The following TEKT3 variants were observed in gnomAD, a reference collection of about 807,000 sequenced individuals.
The protein encoded by TEKT3 is tektin 3.
In TEKT3, 49 loss-of-function variants were observed where a neutral mutation model predicts 49.8. The observed-to-expected ratio is 0.98, with a 90% CI of 0.78 to 1.25. TEKT3 has a LOEUF of 1.25. Ranked by LOEUF, TEKT3 falls within the 50% of genes most tolerant of loss-of-function variation. The probability of loss-of-function intolerance (pLI) is 0.00; values close to 1 mark genes in which losing one functional copy is unlikely to be tolerated. For missense variants in TEKT3, 595 were observed against 629.5 expected (o/e 0.95, Z 0.59); for synonymous variants, 225 against 237.2 (o/e 0.95, Z 0.47).
rs146262442 is a variant in TEKT3, at chr17:15,321,286, G to A, written c.664-2139C>T. On this transcript the variant is annotated intron_variant, in intron 4 of 8. Coordinates refer to ENST00000395930, the MANE Select transcript of TEKT3 (RefSeq NM_031898.3). The stretch of plus-strand genomic sequence containing the variant: ...GGCTTCCCAAAGTGCTGAGATTACA[G>A]GCGTGAGCCACCATGCCCGGCCAAC... Among the ~76,000 whole-genome samples the A allele has an allele frequency of 3.7e-3, 563 of 152,244 alleles. 3 individuals are homozygous for A. The highest frequency in any genetic ancestry group is 0.023 in the East Asian group (117 of 5,164).
At chr17:15,327,933 T>A (rs1277081101) in intron 4 of TEKT3, 59 bp downstream of exon 4, 1 of 1,442,352 alleles carries the variant, frequency 6.9e-7, no homozygotes, top group Non-Finnish European at 9.8e-7. Flanking sequence ...TGCTTCTACA[T>A]ATTCAACATA....
intron 4 of TEKT3, 21 bp from the exon 5 acceptor site, chr17:15,319,168 CAT>C: frequency 6.4e-7 from 1 of 1,567,360 alleles, no homozygotes; most frequent in South Asian, 1.2e-5. Flanking sequence ...GGAAAAAAAA[CAT>C]ATTAATGTTT....
At chr17:15,306,514 G>A (rs1012442615) in intron 8 of TEKT3, among the ~76,000 whole-genome samples, 18 of 151,296 alleles carry the variant, frequency 1.2e-4, no homozygotes, top group African/African-American at 3.9e-4. Flanking sequence ...CCATGAAGTC[G>A]GCAGGAAGTG....
At chr17:15,308,860 C>G (rs1160961764) in intron 7 of TEKT3, 42 bp from the exon 8 acceptor site, 2 of 1,597,428 alleles carry the variant, frequency 1.3e-6, no homozygotes, top group Non-Finnish European at 1.7e-6. Flanking sequence ...TTGGTGTGGT[C>G]CCTTCAACAA....
At chr17:15,330,390 G>A (rs751753951) in intron 3 of TEKT3, among the ~76,000 whole-genome samples, 4 of 152,126 alleles carry the variant, frequency 2.6e-5, no homozygotes, top group Admixed American at 1.3e-4. Context: ...TGATTGGATC[G>A]TGGGGGTAGA....
At chr17:15,312,608 G>T in intron 6 of TEKT3, 127 bp from the exon 7 acceptor site, 1 of 720,914 alleles carries the variant, frequency 1.4e-6, no homozygotes, top group Middle Eastern at 3.8e-4. Context: ...TTATATAAAT[G>T]TGAATATCAG....
chr17:15,338,566 CCAAGATGGCGCCACTG>C (rs1912086694), intron 2 of TEKT3: 2 of 149,310 alleles, frequency 1.3e-5, no homozygotes, highest in Non-Finnish European at 3.0e-5. Context: ...TGCAGTGGCG[CCAAGATGGCGCCACTG>C]CAAGCTCCGC....
At chr17:15,323,231 C>A (rs1911341149) in intron 4 of TEKT3, among the ~76,000 whole-genome samples, 1 of 152,222 alleles carries the variant, frequency 6.6e-6, no homozygotes. Flanking sequence ...TGGTTGCATT[C>A]TCAACAAACG....
chr17:15,326,186 T>C (rs759047094), intron 4 of TEKT3, among the ~76,000 whole-genome samples: 3 of 152,248 alleles, frequency 2.0e-5, no homozygotes, highest in Non-Finnish European at 2.9e-5. Flanking sequence ...GGGATAAAAC[T>C]ACTCTGAGGA....
upstream of TEKT3, among the ~76,000 whole-genome samples, chr17:15,342,851 G>A (rs1240782125): frequency 6.6e-6 from 1 of 152,190 alleles, no homozygotes; most frequent in Non-Finnish European, 1.5e-5. Context: ...CCAGGGCACT[G>A]CAAATCCTGA....
At position 15,304,938 on chromosome 17, in the gene TEKT3, C is replaced by T. The variant is rs776015607; in HGVS notation, c.1257-786G>A. On this transcript the variant is annotated intron_variant, in intron 8 of 8. Transcript: ENST00000395930. This position sits in a 1 kb window ranked among gnomAD's most constrained non-coding sequence, Gnocchi z 4.7. ...CCCAGTGTTGTGACTTCCAAAAGGA[C>T]CAAGCCTTTTACGGCACTCAGGGTC... Among the ~76,000 whole-genome samples, 1 of 152,184 alleles carries T rather than the reference C, an allele frequency of 6.6e-6. No individual in the cohort carries two copies. Among genetic ancestry groups the T allele is most frequent in the Non-Finnish European group, 1.5e-5 (1 of 68,032 alleles).
chr17:15,309,149 CAA>C (rs934589508), intron 7 of TEKT3, among the ~76,000 whole-genome samples: 9 of 152,184 alleles, frequency 5.9e-5, no homozygotes, highest in East Asian at 3.9e-4. Flanking sequence ...GGGCTCCCTG[CAA>C]GCTGCCCCCA....
intron 5 of TEKT3, among the ~76,000 whole-genome samples, chr17:15,315,717 G>A (rs896903875): frequency 1.3e-5 from 2 of 152,096 alleles, no homozygotes; most frequent in Admixed American, 1.3e-4. Context: ...AAACTTGAGT[G>A]TTCACTGAAC....
chr17:15,336,716 G>T (rs1023642264), intron 2 of TEKT3, among the ~76,000 whole-genome samples: 33 of 152,064 alleles, frequency 2.2e-4, no homozygotes, highest in African/African-American at 6.7e-4. Flanking sequence ...AGATTATAAG[G>T]GTCTTATAAC....
intron 2 of TEKT3, among the ~76,000 whole-genome samples, chr17:15,337,750 A>C (rs1357541873): frequency 6.6e-6 from 1 of 152,154 alleles, no homozygotes; most frequent in Non-Finnish European, 1.5e-5. Context: ...GCTGAGGCAG[A>C]GAATTGCTTG....
intron 4 of TEKT3, among the ~76,000 whole-genome samples, chr17:15,319,548 A>T (rs1256972014): frequency 6.6e-6 from 1 of 152,210 alleles, no homozygotes; most frequent in Non-Finnish European, 1.5e-5. Context: ...GTCAGGGAGG[A>T]AAAAAGCACA....
chr17:15,329,575 T>A (rs115371917), intron 3 of TEKT3, among the ~76,000 whole-genome samples: 1 of 152,240 alleles, frequency 6.6e-6, no homozygotes, highest in Non-Finnish European at 1.5e-5. Context: ...TAGAAGCCCT[T>A]CTGATTCTAA....
upstream of TEKT3, among the ~76,000 whole-genome samples, chr17:15,343,176 G>T (rs140509514): frequency 6.6e-6 from 1 of 152,272 alleles, no homozygotes; most frequent in Non-Finnish European, 1.5e-5. Context: ...ATTGCTAATT[G>T]AAGACAAAAT....
upstream of TEKT3, among the ~76,000 whole-genome samples, chr17:15,341,919 G>A (rs780291386): frequency 6.6e-6 from 1 of 152,204 alleles, no homozygotes; most frequent in Non-Finnish European, 1.5e-5. Context: ...TCTTCCAGCT[G>A]CGAAGAACTT....
Sources: allele counts gnomAD v4.1 joint callset (sites outside exome capture counted in the v4.1 genomes callset), GRCh38; gene constraint gnomAD v4.1.1; non-coding constraint Gnocchi (gnomAD v3.1); transcripts MANE v1.5; gene names NCBI Gene and HGNC (gene_info 2026-07-23, HGNC 2026-07-21).